The following DDX10 variants were observed in gnomAD, a reference collection of about 807,000 sequenced individuals.
DDX10 encodes the protein DEAD-box helicase 10, also known as probable ATP-dependent RNA helicase DDX10.
A neutral mutation model predicts 104.3 loss-of-function variants in DDX10; 74 were observed. That is an observed-to-expected ratio of 0.71 (90% CI 0.59 to 0.86). The LOEUF (loss-of-function observed/expected upper bound fraction) is 0.86. Among genes scored for constraint, DDX10 ranks in the 40% least tolerant of loss-of-function variants. The pLI is 0.00. For synonymous variants in DDX10, 351 were observed against 353.4 expected (o/e 0.99, Z 0.08); for missense variants, 952 against 1,040.0 (o/e 0.92, Z 1.16).
At chr11:108,891,639 T>A (rs1408021352) in intron 16 of DDX10, among the ~76,000 whole-genome samples, 1 of 152,202 alleles carries the variant, frequency 6.6e-6, no homozygotes, top group East Asian at 1.9e-4. Flanking sequence ...CCCACCATAA[T>A]GCCGTTACTC....
chr11:108,805,770 C>T (rs1229127271), intron 13 of DDX10, among the ~76,000 whole-genome samples: 1 of 151,986 alleles, frequency 6.6e-6, no homozygotes, highest in African/African-American at 2.4e-5. Flanking sequence ...GTATGAACAA[C>T]AATTGATAGA....
chr11:108,891,754 A>G (rs77285412), intron 16 of DDX10, among the ~76,000 whole-genome samples: 5 of 152,132 alleles, frequency 3.3e-5, no homozygotes, highest in Middle Eastern at 3.4e-3. Context: ...CTGATCACCC[A>G]TTGTTGTCAT....
At chr11:108,770,131 T>A (rs2094361126) in intron 13 of DDX10, among the ~76,000 whole-genome samples, 2 of 152,188 alleles carry the variant, frequency 1.3e-5, no homozygotes, top group Non-Finnish European at 2.9e-5. Context: ...AGTGTTTTTA[T>A]TTATTTATTC....
intron 16 of DDX10, among the ~76,000 whole-genome samples, chr11:108,871,879 G>A (rs1863086983): frequency 6.6e-6 from 1 of 151,488 alleles, no homozygotes; most frequent in Admixed American, 6.6e-5. Flanking sequence ...GGTGAGCCAA[G>A]TTCATGCCAT....
At chr11:108,712,805 G>GTT (rs1356290468) in intron 10 of DDX10, among the ~76,000 whole-genome samples, 1 of 145,746 alleles carries the variant, frequency 6.9e-6, no homozygotes. Context: ...TCTCACTTAC[G>GTT]TTTTTTTTTT....
chr11:108,882,181 G>A (rs1863235918), intron 16 of DDX10, among the ~76,000 whole-genome samples: 1 of 152,088 alleles, frequency 6.6e-6, no homozygotes, highest in African/African-American at 2.4e-5. Context: ...ATCACTCCAA[G>A]TAACTTAAGA....
At chr11:108,840,498 T>G (rs1456353133) in intron 14 of DDX10, among the ~76,000 whole-genome samples, 1 of 152,190 alleles carries the variant, frequency 6.6e-6, no homozygotes, top group Non-Finnish European at 1.5e-5. Context: ...TAAACCTCTG[T>G]TTTTCTGGAA....
At chr11:108,754,157 G>A (rs926970732) in intron 13 of DDX10, among the ~76,000 whole-genome samples, 3 of 151,974 alleles carry the variant, frequency 2.0e-5, no homozygotes, top group African/African-American at 7.2e-5. Context: ...CTGCTGTGTT[G>A]TCGGAAGTGA....
chr11:108,910,873 A>T (rs1863666928), intron 16 of DDX10, among the ~76,000 whole-genome samples: 1 of 151,844 alleles, frequency 6.6e-6, no homozygotes, highest in African/African-American at 2.4e-5. Context: ...GTGGAGAAAG[A>T]TGAGAGAACT....
At chr11:108,764,174 G>A (rs948177143) in intron 13 of DDX10, among the ~76,000 whole-genome samples, 1 of 152,094 alleles carries the variant, frequency 6.6e-6, no homozygotes, top group Non-Finnish European at 1.5e-5. Context: ...TTTTTTAAAA[G>A]CTTGCTTGCA....
rs2726870 is a variant in DDX10, at chr11:108,825,650, A to G, written c.1966-12796A>G. 2.0e-5 allele frequency among the ~76,000 whole-genome samples: 3 copies of G among 152,360 alleles called. No homozygotes were observed. The East Asian group carries it at 5.8e-4, about 29-fold the overall frequency. The stretch of plus-strand genomic sequence containing the variant: ...GTTCACCTATTAAGATCACTTAAAA[A>G]TGAATCATGGTTATTTCATAGTAAA... On this transcript the variant is annotated intron_variant, in intron 13 of 17. Coordinates refer to ENST00000322536, the MANE Select transcript of DDX10 (RefSeq NM_004398.4).
chr11:108,783,060 T>C (rs551192136), intron 13 of DDX10, among the ~76,000 whole-genome samples: 1 of 152,336 alleles, frequency 6.6e-6, no homozygotes, highest in South Asian at 2.1e-4. Flanking sequence ...CATCGCCTCT[T>C]TGAATCCGTT....
intron 6 of DDX10, among the ~76,000 whole-genome samples, chr11:108,679,972 G>A (rs1165176729): frequency 6.6e-6 from 1 of 152,234 alleles, no homozygotes; most frequent in Non-Finnish European, 1.5e-5. Context: ...GGAGGTGGAT[G>A]TAGCTTGCTA....
intron 13 of DDX10, among the ~76,000 whole-genome samples, chr11:108,826,640 G>A (rs1862399613): frequency 6.6e-6 from 1 of 152,160 alleles, no homozygotes; most frequent in South Asian, 2.1e-4. Context: ...GCAGTCACAT[G>A]TGATGCCCAA....
chr11:108,795,977 T>A (rs1861935631), intron 13 of DDX10, among the ~76,000 whole-genome samples: 1 of 152,184 alleles, frequency 6.6e-6, no homozygotes, highest in Non-Finnish European at 1.5e-5. Context: ...AAATAACAAA[T>A]TGATTTTTTT....
chr11:108,790,764 T>G (rs1299572870), intron 13 of DDX10, among the ~76,000 whole-genome samples: 2 of 136,872 alleles, frequency 1.5e-5, no homozygotes, highest in Admixed American at 7.0e-5. Context: ...TCTCTTTTTG[T>G]TTTTTTTTTT....
Position 108,668,817 on chromosome 11 carries a change from A to C in DDX10, c.186+3478A>C, listed in dbSNP as rs536339185. Among the ~76,000 whole-genome samples the C allele has an allele frequency of 5.9e-5, 9 of 152,338 alleles. No homozygotes were observed. In the East Asian group the frequency reaches 1.7e-3, roughly 29 times the overall value. ...ATTAGTATGCATAAAATGTTATAAT[A>C]GTAAGTTTGTAACATGTACCTCAGT... On this transcript the variant is annotated intron_variant, in intron 1 of 17. Transcript: ENST00000322536.
chr11:108,929,983 TTGA>T (rs1382996852), intron 17 of DDX10, among the ~76,000 whole-genome samples: 1 of 152,224 alleles, frequency 6.6e-6, no homozygotes, highest in African/African-American at 2.4e-5. Flanking sequence ...TTTGTTACAA[TTGA>T]TGAACTAATA....
At chr11:108,691,396 C>A (rs1014908375) in intron 7 of DDX10, among the ~76,000 whole-genome samples, 2 of 152,124 alleles carry the variant, frequency 1.3e-5, no homozygotes, top group East Asian at 3.8e-4. Context: ...AAAAAGAGAA[C>A]CAGAACAATT....
Sources: allele counts gnomAD v4.1 joint callset (sites outside exome capture counted in the v4.1 genomes callset), GRCh38; gene constraint gnomAD v4.1.1; transcripts MANE v1.5; gene names NCBI Gene and HGNC (gene_info 2026-07-23, HGNC 2026-07-21).